The following TM9SF2 variants were observed in gnomAD, a reference collection of about 807,000 sequenced individuals.
The protein encoded by TM9SF2 is transmembrane 9 superfamily member 2, also known as 76 kDa membrane protein.
TM9SF2 carries 13 observed loss-of-function variants against 84.9 expected under a neutral mutation model. The observed-to-expected ratio is 0.15, with a 90% CI of 0.10 to 0.24. TM9SF2 has a LOEUF of 0.24. Among genes scored for constraint, TM9SF2 ranks in the 10% least tolerant of loss-of-function variants. TM9SF2 has a pLI of 1.00. For synonymous variants in TM9SF2, 273 were observed against 285.8 expected (o/e 0.96, Z 0.45); for missense variants, 562 against 818.5 (o/e 0.69, Z 3.82).
chr13:99,522,606 C>T (rs1352491041), intron 3 of TM9SF2, among the ~76,000 whole-genome samples: 1 of 152,166 alleles, frequency 6.6e-6, no homozygotes, highest in Admixed American at 6.5e-5. Flanking sequence ...CTTAAATATT[C>T]CAGCAGCCTC....
chr13:99,523,158 T>C (rs1394916376), intron 3 of TM9SF2, among the ~76,000 whole-genome samples: 2 of 152,226 alleles, frequency 1.3e-5, no homozygotes, highest in Non-Finnish European at 2.9e-5. Flanking sequence ...AGGATTTTTA[T>C]CTTTATGTAT....
At chr13:99,555,417 G>C in intron 14 of TM9SF2, 119 bp from the exon 15 acceptor site, 1 of 718,310 alleles carries the variant, frequency 1.4e-6, no homozygotes, top group South Asian at 1.9e-5. Flanking sequence ...AATTCGTCTT[G>C]TTTGGTTAGT....
chr13:99,533,642 G>A lies in TM9SF2; in HGVS notation c.462-2966G>A, dbSNP rs372967923. 6.6e-5 allele frequency among the ~76,000 whole-genome samples: 10 copies of A among 152,098 alleles called. No individual in the cohort carries two copies. The East Asian group carries it at 1.2e-3, about 18-fold the overall frequency. ...ATAATAGTTTCTTATATAAATTGAC[G>A]AATACTTTTTATTTTTTTATTTGTT... On this transcript the variant is annotated intron_variant, in intron 4 of 16. Transcript: ENST00000376387.
At chr13:99,512,714 T>A (rs1284705522) in intron 1 of TM9SF2, among the ~76,000 whole-genome samples, 3 of 152,226 alleles carry the variant, frequency 2.0e-5, no homozygotes, top group Non-Finnish European at 4.4e-5. Flanking sequence ...AAGGAGCCAA[T>A]GAGTTTGATT....
intron 2 of TM9SF2, among the ~76,000 whole-genome samples, chr13:99,518,311 A>G (rs1227447615): frequency 6.6e-6 from 1 of 152,178 alleles, no homozygotes. Context: ...GGGTTTCACC[A>G]TGTTAGCCAG....
intron 4 of TM9SF2, among the ~76,000 whole-genome samples, chr13:99,532,237 A>G (rs1181072847): frequency 6.6e-6 from 1 of 151,382 alleles, no homozygotes; most frequent in Non-Finnish European, 1.5e-5. Flanking sequence ...TTTTTAGTAG[A>G]GACGGGGTTT....
chr13:99,509,287 A>G (rs1400521744), intron 1 of TM9SF2, among the ~76,000 whole-genome samples: 4 of 152,140 alleles, frequency 2.6e-5, no homozygotes, highest in African/African-American at 9.7e-5. Flanking sequence ...TCTGGAGGAC[A>G]ATGTCCCCCT....
intron 1 of TM9SF2, among the ~76,000 whole-genome samples, chr13:99,507,783 G>C (rs2046094784): frequency 6.6e-6 from 1 of 152,064 alleles, no homozygotes; most frequent in Non-Finnish European, 1.5e-5. Flanking sequence ...TTTGTGACTT[G>C]TCATTTGCCA....
At chr13:99,512,858 G>T (rs191573519) in intron 1 of TM9SF2, among the ~76,000 whole-genome samples, 9 of 152,292 alleles carry the variant, frequency 5.9e-5, no homozygotes, top group Non-Finnish European at 1.2e-4. Flanking sequence ...GAGATTTCCA[G>T]GACTGGTGCT....
chr13:99,548,529 T>C lies in TM9SF2; in HGVS notation c.1271-636T>C, dbSNP rs79959918. Among the ~76,000 whole-genome samples the C allele has an allele frequency of 7.5e-3, 1,141 of 152,298 alleles. 8 individuals carry two copies. The highest frequency in any genetic ancestry group is 0.011 in the Non-Finnish European group (777 of 68,016). ...TTAAACTGGGAGCAGACGTGTACTT[T>C]CATTTTTCACTCTAGCTACTTCAGT... On this transcript the variant is annotated intron_variant, in intron 11 of 16. Transcript: ENST00000376387.
At chr13:99,538,196 A>G (rs987238226) in intron 6 of TM9SF2, among the ~76,000 whole-genome samples, 6 of 152,196 alleles carry the variant, frequency 3.9e-5, no homozygotes, top group African/African-American at 1.4e-4. Flanking sequence ...ACTGCCTCAG[A>G]TAATGTGTGG....
At position 99,543,977 on chromosome 13, in the gene TM9SF2, A is replaced by T; in HGVS notation, c.1132A>T (p.Met378Leu). Residue 378 changes from methionine (M) to leucine (L), a missense_variant, in exon 10 of 17, where the codon ATG becomes TTG. Met to Leu is a conservative substitution (Grantham distance 15). Transcript: ENST00000376387. ...AGGATCCGGGACACAGATTTTAATTATGACCTTTGTGACTCTATGTAAGTG... is the reference window on the plus strand; with the variant it reads ...AGGATCCGGGACACAGATTTTAATTTTGACCTTTGTGACTCTATGTAAGTG... ...FLGSGTQILI[M>L]TFVTLFFACL... The T allele has an allele frequency of 1.2e-6, 2 of 1,614,122 alleles. No homozygotes were observed. The highest frequency in any genetic ancestry group is 1.7e-6 in the Non-Finnish European group (2 of 1,179,990).
chr13:99,555,585 A>G lies in TM9SF2; in HGVS notation c.1690A>G (p.Ile564Val). 1 of 1,613,978 alleles carries G rather than the reference A, an allele frequency of 6.2e-7. No individual in the cohort carries two copies. Among genetic ancestry groups the G allele is most frequent in the South Asian group, 1.1e-5 (1 of 91,072 alleles). ...MFGFLFLVFI[I>V]LVITCSEATI... Reference sequence around the variant, plus strand: ...TGGCTTCCTATTTCTGGTGTTTATCATTTTGGTTATTACCTGTTCTGAAGC... The same window carrying G: ...TGGCTTCCTATTTCTGGTGTTTATCGTTTTGGTTATTACCTGTTCTGAAGC... Residue 564 changes from isoleucine (I) to valine (V), a missense_variant, in exon 15 of 17, where the codon ATT becomes GTT. Physicochemically the swap from Ile to Val is conservative, Grantham distance 29 (BLOSUM62 3). Around this residue, in one of 4 missense-constraint regions of TM9SF2, gnomAD observed 13 missense variants for 54.6 expected, o/e 0.24. Transcript: ENST00000376387.
intron 3 of TM9SF2, among the ~76,000 whole-genome samples, chr13:99,522,994 C>T (rs1390240791): frequency 1.3e-5 from 2 of 152,158 alleles, no homozygotes; most frequent in Non-Finnish European, 2.9e-5. Flanking sequence ...CCTGAGTCTT[C>T]TGGAATGTTT....
chr13:99,562,600 T>C (rs1161086853), intron 16 of TM9SF2, 91 bp from the exon 17 acceptor site: 1 of 1,312,048 alleles, frequency 7.6e-7, no homozygotes. Flanking sequence ...TTGCGACTTT[T>C]TTAAGGAACC....
At position 99,528,044 on chromosome 13, in the gene TM9SF2, C is replaced by T. The variant is rs539553676; in HGVS notation, c.334-1423C>T. Among the ~76,000 whole-genome samples, 8 of 152,320 alleles carry T rather than the reference C, an allele frequency of 5.3e-5. No individual in the cohort carries two copies. In the South Asian group the frequency reaches 6.2e-4, roughly 12 times the overall value. On this transcript the variant is annotated intron_variant, in intron 3 of 16. Coordinates refer to ENST00000376387, the MANE Select transcript of TM9SF2 (RefSeq NM_004800.3). Reference sequence around the variant, plus strand: ...TAATTTAGGAAAAATTATAATCCCACGTTTTCCCGAATAGAAACAGAACAG... The same window carrying T: ...TAATTTAGGAAAAATTATAATCCCATGTTTTCCCGAATAGAAACAGAACAG...
intron 9 of TM9SF2, among the ~76,000 whole-genome samples, chr13:99,542,115 C>T (rs1033314457): frequency 6.7e-6 from 1 of 148,794 alleles, no homozygotes; most frequent in African/African-American, 2.5e-5. Flanking sequence ...CGTGCCACTG[C>T]ACTCCAGCCT....
intron 4 of TM9SF2, among the ~76,000 whole-genome samples, chr13:99,530,774 G>A (rs61972543): frequency 2.0e-5 from 3 of 152,040 alleles, no homozygotes; most frequent in Non-Finnish European, 4.4e-5. Flanking sequence ...TTCTGTACCA[G>A]TTTGTATCAG....
At chr13:99,519,647 A>G (rs1037851773) in intron 2 of TM9SF2, 6 of 163,860 alleles carry the variant, frequency 3.7e-5, no homozygotes. Flanking sequence ...GACATACATT[A>G]CTGAAATGTC....
Sources: gnomAD v4.1 joint callset for allele counts (sites outside exome capture counted in the v4.1 genomes callset) on GRCh38, gnomAD v4.1.1 for gene constraint, gnomAD v4.1.1 regional missense constraint, MANE v1.5 for transcripts, NCBI Gene and HGNC (gene_info 2026-07-23, HGNC 2026-07-21) for gene names.